ZC3H4: variants seen among roughly 807,000 people sequenced by gnomAD.
ZC3H4 encodes the protein zinc finger CCCH domain-containing protein 4.
Under a neutral mutation model 108.3 loss-of-function variants are expected in ZC3H4, and 13 were observed. That is an observed-to-expected ratio of 0.12 (90% confidence interval 0.08 to 0.19). ZC3H4 has a LOEUF of 0.19. Ranked by LOEUF, ZC3H4 falls within the 10% of genes least tolerant of loss-of-function variation. The probability of loss-of-function intolerance (pLI) is 1.00; values close to 1 mark genes in which losing one functional copy is unlikely to be tolerated. For synonymous variants in ZC3H4, 917 were observed against 749.6 expected (o/e 1.22, Z -3.65); for missense variants, 1,734 against 1,838.8 (o/e 0.94, Z 1.04).
chr19:47,105,842 AAAG>A (rs1270573713), intron 2 of ZC3H4, among the ~76,000 whole-genome samples: 1 of 152,222 alleles, frequency 6.6e-6, no homozygotes, highest in Non-Finnish European at 1.5e-5. Flanking sequence ...TGCAAAAGAA[AAAG>A]ATCAATAATT....
Position 47,072,179 on chromosome 19 carries a change from C to T in ZC3H4, c.1803-58G>A. The T allele has an allele frequency of 6.8e-7, 1 of 1,459,860 alleles. No individual in the cohort carries two copies. Among genetic ancestry groups the T allele is most frequent in the Non-Finnish European group, 9.1e-7 (1 of 1,097,696 alleles). The allele number at this position is 1,459,860 out of a possible 1,614,324, so 90.4% of individuals were successfully genotyped here. On this transcript the variant is annotated intron_variant, in intron 12 of 14. Coordinates refer to ENST00000253048, the MANE Select transcript of ZC3H4 (RefSeq NM_015168.2). This position sits in a 1 kb window ranked among gnomAD's most constrained non-coding sequence, Gnocchi z 5.6. ...CTGCCGAGGAGGGCAGTGGCCACAC[C>T]CCAGAGGAGAGGCGGAGGGCTGCAG...
Position 47,094,711 on chromosome 19 carries a change from G to A in ZC3H4, c.162-103C>T, listed in dbSNP as rs369049129. The A allele has an allele frequency of 2.2e-5, 25 of 1,119,330 alleles. No homozygotes were observed. The South Asian group carries it at 2.6e-4, about 12-fold the overall frequency. The allele number at this position is 1,119,330 out of a possible 1,614,324, so 69.3% of individuals were successfully genotyped here. ...GACAGGAACCGAAGGCCTGACTGCT[G>A]TGAGCGAAGTGAGACCCTGGGAGGA... On this transcript the variant is annotated intron_variant, in intron 2 of 14. Transcript: ENST00000253048.
intron 4 of ZC3H4, among the ~76,000 whole-genome samples, chr19:47,092,832 A>G (rs1002723865): frequency 2.0e-5 from 3 of 151,354 alleles, no homozygotes; most frequent in African/African-American, 7.3e-5. Flanking sequence ...ATAAATAAAT[A>G]AATAAATAAA....
rs757320737 is a variant in ZC3H4, at chr19:47,072,948, A to C, written c.1441-235T>G. On this transcript the variant is annotated intron_variant, in intron 11 of 14. Coordinates refer to ENST00000253048, the MANE Select transcript of ZC3H4 (RefSeq NM_015168.2). The surrounding 1 kb of genome is among the most constrained non-coding windows in gnomAD (Gnocchi z 5.6). Reference sequence around the variant, plus strand: ...CCATTCCTGCTCTATGGCAAAATACACATAACAAAGCATACTGTTTAACCA... The same window carrying C: ...CCATTCCTGCTCTATGGCAAAATACCCATAACAAAGCATACTGTTTAACCA... 2.0e-5 allele frequency among the ~76,000 whole-genome samples: 3 copies of C among 152,120 alleles called. No homozygotes were observed. Among genetic ancestry groups the C allele is most frequent in the Non-Finnish European group, 2.9e-5 (2 of 68,020 alleles).
Position 47,072,727 on chromosome 19 carries a change from A to C in ZC3H4, c.1441-14T>G. The C allele has an allele frequency of 6.2e-7, 1 of 1,612,720 alleles. No homozygotes were observed. The highest frequency in any genetic ancestry group is 1.3e-5 in the African/African-American group (1 of 74,808). On this transcript the variant is annotated splice_polypyrimidine_tract_variant and intron_variant, in intron 11 of 14. Coordinates refer to ENST00000253048, the MANE Select transcript of ZC3H4 (RefSeq NM_015168.2). The surrounding 1 kb of genome is among the most constrained non-coding windows in gnomAD (Gnocchi z 5.6). ...ATCGGCCAACATCTGCGGGTGTGAA[A>C]GAACAAAAGAAGGTGTGGACGGGGT...
chr19:47,112,203 G>A, intron 2 of ZC3H4: 10 of 1,209,558 alleles, frequency 8.3e-6, no homozygotes, highest in Non-Finnish European at 1.0e-5. Context: ...GAGAGCGGGC[G>A]AGCGCCGCGA....
chr19:47,089,954 G>A lies in ZC3H4; in HGVS notation c.715+13C>T. ...CGATGCCCCAGAGGAGAAACTGTAAGGGCAGGGCTCACCTCGGCCGCGGCT... is the reference window on the plus strand; with the variant it reads ...CGATGCCCCAGAGGAGAAACTGTAAAGGCAGGGCTCACCTCGGCCGCGGCT... On this transcript the variant is annotated intron_variant, in intron 5 of 14. Transcript: ENST00000253048. The A allele has an allele frequency of 6.2e-7, 1 of 1,613,788 alleles. No homozygotes were observed. Among genetic ancestry groups the A allele is most frequent in the South Asian group, 1.1e-5 (1 of 91,074 alleles).
At chr19:47,102,033 C>CA (rs906610662) in intron 2 of ZC3H4, among the ~76,000 whole-genome samples, 39 of 150,536 alleles carry the variant, frequency 2.6e-4, no homozygotes, top group Middle Eastern at 3.4e-3. Flanking sequence ...GACTTCGTCT[C>CA]AAAAAAAAAG....
rs374253963 is a variant in ZC3H4, at chr19:47,094,132, G to A, written c.382-52C>T. ...GCAACCTGCCACAGGCAGGCCACTC[G>A]GGCACAGTCAGCCTCAGGACAAACT... On this transcript the variant is annotated intron_variant, in intron 3 of 14. Coordinates refer to ENST00000253048, the MANE Select transcript of ZC3H4 (RefSeq NM_015168.2). 556 of 1,558,442 alleles carry A rather than the reference G, an allele frequency of 3.6e-4. 1 individual carries two copies. Among genetic ancestry groups the A allele is most frequent in the Non-Finnish European group, 4.7e-4 (530 of 1,130,608 alleles).
In ZC3H4 at chr19:47,067,082, G is replaced by C; in HGVS notation, c.3186C>G (p.Pro1062=). The change falls in exon 15 of 15, where the codon CCC becomes CCG. Residue 1062 remains proline, a synonymous_variant. Transcript: ENST00000253048. The surrounding 1 kb of genome is among the most constrained non-coding windows in gnomAD (Gnocchi z 6.4). ...TVNATGSSAA[P]GSSDKPSDPR... ...GGTCACTGGGTTTGTCGCTGGAACC[G>C]GGGGCGGCCGAGGAGCCGGTGGCAT... The C allele has an allele frequency of 6.2e-7, 1 of 1,609,418 alleles. No homozygotes were observed. Among genetic ancestry groups the C allele is most frequent in the Non-Finnish European group, 8.5e-7 (1 of 1,178,052 alleles).
chr19:47,107,657 G>GA (rs1157842797), intron 2 of ZC3H4, among the ~76,000 whole-genome samples: 2,713 of 90,198 alleles, frequency 0.03, 59 homozygotes, highest in African/African-American at 0.078. Context: ...GTTCTGTTAA[G>GA]AAAAAAAAAA....
At chr19:47,068,635 C>T (rs978533824) in intron 14 of ZC3H4, among the ~76,000 whole-genome samples, 1 of 152,182 alleles carries the variant, frequency 6.6e-6, no homozygotes, top group East Asian at 1.9e-4. Flanking sequence ...TGTCATTTTA[C>T]CCCAAAGTGG....
chr19:47,108,250 C>T (rs994759328), intron 2 of ZC3H4, among the ~76,000 whole-genome samples: 7 of 152,070 alleles, frequency 4.6e-5, no homozygotes. Flanking sequence ...GTGAATCGGA[C>T]CCAGTTGCTC....
intron 5 of ZC3H4, among the ~76,000 whole-genome samples, chr19:47,087,893 G>C (rs907243921): frequency 3.3e-5 from 5 of 151,892 alleles, no homozygotes; most frequent in African/African-American, 1.2e-4. Flanking sequence ...AAATAAATAG[G>C]CTGGGCGCGG....
chr19:47,072,273 C>G lies in ZC3H4; in HGVS notation c.1802+79G>C. 1 of 1,489,600 alleles carries G rather than the reference C, an allele frequency of 6.7e-7. No individual in the cohort carries two copies. Among genetic ancestry groups the G allele is most frequent in the Non-Finnish European group, 9.1e-7 (1 of 1,097,978 alleles). 92.3% of individuals were successfully genotyped at this position (1,489,600 alleles called of 1,614,324 possible). On this transcript the variant is annotated intron_variant, in intron 12 of 14. Coordinates refer to ENST00000253048, the MANE Select transcript of ZC3H4 (RefSeq NM_015168.2). This position sits in a 1 kb window ranked among gnomAD's most constrained non-coding sequence, Gnocchi z 5.6. ...GAGAGAGGCAGGACTCTCCCACAGC[C>G]AGGCTTGCCCTAACAAGAGGAGCCT...
In ZC3H4 at chr19:47,092,071, G is replaced by A. The variant is rs1265683463; in HGVS notation, c.493-1882C>T. On this transcript the variant is annotated intron_variant, in intron 4 of 14. Transcript: ENST00000253048. ...CAAAAGTACAAAAATTAGCCTTGGC[G>A]TTATGGCCCATGGTTCCAGCTACTT... Among the ~76,000 whole-genome samples, 3 of 151,802 alleles carry A rather than the reference G, an allele frequency of 2.0e-5. No individual in the cohort carries two copies. In the South Asian group the frequency reaches 6.2e-4, roughly 32 times the overall value.
At chr19:47,110,710 G>A (rs2058027642) in intron 2 of ZC3H4, among the ~76,000 whole-genome samples, 1 of 152,222 alleles carries the variant, frequency 6.6e-6, no homozygotes, top group Non-Finnish European at 1.5e-5. Context: ...AAGCGTGTAA[G>A]CACCTTTGAG....
intron 4 of ZC3H4, among the ~76,000 whole-genome samples, chr19:47,093,155 G>T (rs2057765199): frequency 6.8e-6 from 1 of 146,054 alleles, no homozygotes; most frequent in South Asian, 2.2e-4. Context: ...GACAGAGCTT[G>T]CAGTGAGCTG....
In ZC3H4 at chr19:47,072,659, G is replaced by A; in HGVS notation, c.1495C>T (p.Leu499=). ...GAEDEKEVEE[L]KKQGINPLPK... ...AGGGGGTTGATGCCCTGCTTCTTCA[G>A]TTCCTCCACCTCCTTCTCATCCTCG... Residue 499 remains leucine (L), a synonymous_variant, in exon 12 of 15, where the codon CTG becomes TTG. Coordinates refer to ENST00000253048, the MANE Select transcript of ZC3H4 (RefSeq NM_015168.2). The surrounding 1 kb of genome is among the most constrained non-coding windows in gnomAD (Gnocchi z 5.6). 6.2e-7 allele frequency: 1 copy of A among 1,613,646 alleles called. No homozygotes were observed.
Sources: gnomAD v4.1 joint callset for allele counts (sites outside exome capture counted in the v4.1 genomes callset) on GRCh38, gnomAD v4.1.1 for gene constraint, Gnocchi (gnomAD v3.1) non-coding constraint, MANE v1.5 for transcripts, NCBI Gene and HGNC (gene_info 2026-07-23, HGNC 2026-07-21) for gene names.